Variants in PPOX observed in about 807,000 individuals in gnomAD.
PPOX encodes the protein protoporphyrinogen oxidase, also known as variegate porphyria.
PPOX carries 23 observed loss-of-function variants against 54.1 expected under a neutral mutation model. The ratio of observed to expected loss-of-function variants is 0.43; its 90% CI spans 0.31 to 0.60. The LOEUF is 0.60. Ranked by LOEUF, PPOX falls within the 20% of genes least tolerant of loss-of-function variation. The pLI is 0.13. For missense variants in PPOX, 512 were observed against 601.1 expected (o/e 0.85, Z 1.55); for synonymous variants, 224 against 236.1 (o/e 0.95, Z 0.47).
upstream of PPOX, chr1:161,166,211 G>A: frequency 1.0e-6 from 1 of 972,100 alleles, no homozygotes; most frequent in Non-Finnish European, 1.2e-6. Flanking sequence ...CCAGCATTAA[G>A]CGCTCGCCGC....
In PPOX at chr1:161,170,918, C is replaced by T. The variant is rs563189003; in HGVS notation, c.1260C>T (p.Pro420=). Residue 420 remains proline, a synonymous_variant, in exon 12 of 13, where the codon CCC becomes CCT. Coordinates refer to ENST00000367999, the MANE Select transcript of PPOX (RefSeq NM_001122764.3). Reference sequence around the variant, plus strand: ...TCCTCTCTTCTCAGAACTGCATTCCCCAGTATACACTAGGTCACTGGCAAA... The same window carrying T: ...TCCTCTCTTCTCAGAACTGCATTCCTCAGTATACACTAGGTCACTGGCAAA... ...CLVHLHKNCI[P]QYTLGHWQKL... 1 of 1,614,060 alleles carries T rather than the reference C, an allele frequency of 6.2e-7. No homozygotes were observed. The highest frequency in any genetic ancestry group is 1.7e-5 in the Admixed American group (1 of 60,022).
chr1:161,172,268 C>T, downstream of PPOX: 1 of 1,614,164 alleles, frequency 6.2e-7, no homozygotes, highest in Non-Finnish European at 8.5e-7. Flanking sequence ...CTCGGTGCTT[C>T]ACCATCTTAT....
downstream of PPOX, chr1:161,173,955 T>A: frequency 6.2e-7 from 1 of 1,614,160 alleles, no homozygotes; most frequent in East Asian, 2.2e-5. Context: ...GAGGTCCACA[T>A]CGTGCAAGAA....
downstream of PPOX, among the ~76,000 whole-genome samples, chr1:161,175,477 G>A (rs1156931365): frequency 6.6e-6 from 1 of 152,082 alleles, no homozygotes; most frequent in Non-Finnish European, 1.5e-5. Flanking sequence ...GTCTTACAGG[G>A]TTGGAAGCTA....
intron 5 of PPOX, 29 bp from the exon 6 acceptor site, chr1:161,168,403 C>T (rs775363610): frequency 1.6e-5 from 25 of 1,610,500 alleles, no homozygotes; most frequent in South Asian, 2.2e-5. Flanking sequence ...ATTATTTTTT[C>T]GCTCCTTAGT....
At chr1:161,169,585 G>A (rs1660414947) in intron 7 of PPOX, 75 bp from the exon 8 acceptor site, 1 of 1,473,302 alleles carries the variant, frequency 6.8e-7, no homozygotes, top group Admixed American at 1.7e-5. Flanking sequence ...GAAACTGAGA[G>A]TGAGGCACCA....
At chr1:161,172,187 A>C (rs1309045251), downstream of PPOX, 1 of 1,612,332 alleles carries the variant, frequency 6.2e-7, no homozygotes, top group Non-Finnish European at 8.5e-7. Context: ...AACCCTGAGG[A>C]TCCAGTAACA....
downstream of PPOX, among the ~76,000 whole-genome samples, chr1:161,174,338 G>A (rs1012441421): frequency 7.9e-5 from 12 of 151,758 alleles, no homozygotes; most frequent in Admixed American, 2.0e-4. Flanking sequence ...AACCCGGGAG[G>A]TGGAGCTTGC....
chr1:161,168,486 C>T lies in PPOX; in HGVS notation c.526C>T (p.Arg176Cys), dbSNP rs556315387. Reference sequence around the variant, plus strand: ...CCGTGGAGTGTTTGCAGGCAACAGCCGTGAGCTCAGCATCAGGTCCTGCTT... The same window carrying T: ...CCGTGGAGTGTTTGCAGGCAACAGCTGTGAGCTCAGCATCAGGTCCTGCTT... ...LCRGVFAGNSRELSIRSCFPS... is the reference protein window; with the variant it reads ...LCRGVFAGNSCELSIRSCFPS... Residue 176 changes from arginine to cysteine, a missense_variant, in exon 6 of 13, where the codon CGT becomes TGT. By Grantham distance (180) the Arg-to-Cys change is radical. Coordinates refer to ENST00000367999, the MANE Select transcript of PPOX (RefSeq NM_001122764.3). The T allele has an allele frequency of 5.6e-6, 9 of 1,614,126 alleles. No homozygotes were observed. Among genetic ancestry groups the T allele is most frequent in the South Asian group, 2.2e-5 (2 of 91,078 alleles).
At chr1:161,171,890 G>C (rs371235014), downstream of PPOX, 18 of 1,614,092 alleles carry the variant, frequency 1.1e-5, no homozygotes, top group Non-Finnish European at 1.5e-5. Flanking sequence ...CGGCGTTGCA[G>C]CATCTCTTGA....
At chr1:161,170,321 T>TGGGGGGGGGGCCCCCC in intron 9 of PPOX, 88 bp from the exon 10 acceptor site, 1 of 367,768 alleles carries the variant, frequency 2.7e-6, no homozygotes, top group Non-Finnish European at 5.3e-6. Flanking sequence ...TGAGACTCTG[T>TGGGGGGGGGGCCCCCC]CCCCCCCACC....
At chr1:161,177,538 G>T (rs1323555153), downstream of PPOX, 2 of 169,930 alleles carry the variant, frequency 1.2e-5, no homozygotes, top group Non-Finnish European at 2.6e-5. Flanking sequence ...GCGGGGCCTC[G>T]GGGCGGAGCC....
At chr1:161,174,890 C>A, downstream of PPOX, 4 of 1,286,916 alleles carry the variant, frequency 3.1e-6, no homozygotes, top group Non-Finnish European at 4.4e-6. Context: ...GTCTGGCCTT[C>A]TTAAAATTAT....
chr1:161,175,042 G>T, downstream of PPOX: 1 of 1,614,018 alleles, frequency 6.2e-7, no homozygotes, highest in Non-Finnish European at 8.5e-7. Context: ...CTGCAAGAAG[G>T]GGTGCAGGTG....
rs545763235 is a variant in PPOX at position 161,168,865 on chromosome 1, T to C, written c.617-128T>C. ...TTTTTGTAGAGATGCAGTTTCACTA[T>C]GTTGGCCAGGCTGGTCTCAAACTCC... On this transcript the variant is annotated intron_variant, in intron 6 of 12. Coordinates refer to ENST00000367999, the MANE Select transcript of PPOX (RefSeq NM_001122764.3). The C allele has an allele frequency of 2.7e-6, 3 of 1,095,294 alleles. No individual in the cohort carries two copies. In the South Asian group the frequency reaches 4.0e-5, roughly 15 times the overall value. The allele number at this position is 1,095,294 out of a possible 1,614,324, so 67.8% of individuals were successfully genotyped here.
chr1:161,166,204 G>T, upstream of PPOX: 1 of 974,600 alleles, frequency 1.0e-6, no homozygotes. Flanking sequence ...GCTAACTCCA[G>T]CATTAAGCGC....
intron 6 of PPOX, 45 bp downstream of exon 6, chr1:161,168,621 A>G (rs754858597): frequency 7.5e-6 from 12 of 1,601,772 alleles, no homozygotes; most frequent in Admixed American, 1.7e-5. Flanking sequence ...AAGTACTGCC[A>G]AAGTGAGGGA....
intron 9 of PPOX, 40 bp downstream of exon 9, chr1:161,170,064 C>A (rs1660607080): frequency 1.3e-6 from 2 of 1,584,936 alleles, no homozygotes; most frequent in South Asian, 2.3e-5. Context: ...TGGTGGCTCA[C>A]ACCTGTAATC....
rs148730591 is a variant in PPOX, at chr1:161,168,016, C to A, written c.360C>A (p.Pro120=). ...GCAGGGGGCTACTCCGCCCTTCACC[C>A]CCCTTCTCCAAACCTCTGTTTTGGG... ...TGLRGLLRPS[P]PFSKPLFWAG... is the part of the protein sequence containing the mutation. The change falls in exon 5 of 13, where the codon CCC becomes CCA. Residue 120 remains proline (P), a synonymous_variant. Transcript: ENST00000367999. 6.2e-7 allele frequency: 1 copy of A among 1,614,174 alleles called. No individual in the cohort carries two copies. Among genetic ancestry groups the A allele is most frequent in the Non-Finnish European group, 8.5e-7 (1 of 1,180,032 alleles).
Sources: allele counts gnomAD v4.1 joint callset (sites outside exome capture counted in the v4.1 genomes callset), GRCh38; gene constraint gnomAD v4.1.1; transcripts MANE v1.5; gene names NCBI Gene and HGNC (gene_info 2026-07-23, HGNC 2026-07-21).